SHPK: variants seen among roughly 807,000 people sequenced by gnomAD.
The protein encoded by SHPK is carbohydrate kinase-like protein.
In SHPK, 51 loss-of-function variants were observed where a neutral mutation model predicts 46.3. The ratio of observed to expected loss-of-function variants is 1.10; its 90% CI spans 0.88 to 1.39. The LOEUF is 1.39. Among genes scored for constraint, SHPK ranks in the 40% most tolerant of loss-of-function variants. The pLI, the probability that SHPK is intolerant of heterozygous loss-of-function variation, is 0.00. For missense variants in SHPK, 668 were observed against 641.3 expected (o/e 1.04, Z -0.45); for synonymous variants, 290 against 273.9 (o/e 1.06, Z -0.58).
At chr17:3,613,651 G>T (rs2075354794) in intron 6 of SHPK, among the ~76,000 whole-genome samples, 1 of 152,184 alleles carries the variant, frequency 6.6e-6, no homozygotes, top group African/African-American at 2.4e-5. Flanking sequence ...TTACAGGCAT[G>T]AGCCACCGCG....
intron 1 of SHPK, 36 bp from the exon 2 acceptor site, chr17:3,630,382 C>G (rs1161775192): frequency 6.3e-7 from 1 of 1,577,318 alleles, no homozygotes; most frequent in African/African-American, 1.3e-5. Context: ...CAGGGGCAGA[C>G]ACACAGGCAG....
rs187430129 is a variant in SHPK at position 3,631,812 on chromosome 17, G to A, written c.169-1466C>T. ...GCTGGGATTACAGGTGTGAGCCACCGCACCCAGCCTTGATTATCACACATC... is the reference window on the plus strand; with the variant it reads ...GCTGGGATTACAGGTGTGAGCCACCACACCCAGCCTTGATTATCACACATC... On this transcript the variant is annotated intron_variant, in intron 1 of 6. Coordinates refer to ENST00000225519, the MANE Select transcript of SHPK (RefSeq NM_013276.4). Among the ~76,000 whole-genome samples, 96 of 151,804 alleles carry A rather than the reference G, an allele frequency of 6.3e-4. 1 individual carries two copies. Among genetic ancestry groups the A allele is most frequent in the South Asian group, 2.5e-3 (12 of 4,794 alleles).
intron 4 of SHPK, chr17:3,622,774 G>A (rs1279323651): frequency 6.2e-5 from 10 of 162,344 alleles, no homozygotes; most frequent in South Asian, 2.0e-4. Flanking sequence ...GTGCAATCTC[G>A]GCTCACCGCA....
At position 3,614,277 on chromosome 17, in the gene SHPK, C is replaced by G. The variant is rs539907039; in HGVS notation, c.1024+1060G>C. Among the ~76,000 whole-genome samples the G allele has an allele frequency of 9.5e-4, 144 of 152,314 alleles. 1 individual carries two copies. Among genetic ancestry groups the G allele is most frequent in the Middle Eastern group, 3.4e-3 (1 of 294 alleles). ...CAGTGGCTCACGCCTGTAATCCCAG[C>G]ACTTTTGGAGGCCGAGGCAGGTGGA... On this transcript the variant is annotated intron_variant, in intron 6 of 6. Transcript: ENST00000225519.
rs766045159 is a variant in SHPK, at chr17:3,610,700, C to T, written c.1297G>A (p.Ala433Thr). The T allele has an allele frequency of 1.2e-6, 2 of 1,614,030 alleles. No individual in the cohort carries two copies. Among genetic ancestry groups the T allele is most frequent in the East Asian group, 2.2e-5 (1 of 44,896 alleles). ...GVERVMGSGS[A>T]LSRNDVLKQE... ...TTCAGCACGTCATTCCTGGACAGCGCACTCCCACTGCCCATCACCCTCTCC... is the reference window on the plus strand; with the variant it reads ...TTCAGCACGTCATTCCTGGACAGCGTACTCCCACTGCCCATCACCCTCTCC... Residue 433 changes from alanine (A) to threonine (T), a missense_variant, in exon 7 of 7, where the codon GCG (alanine) becomes ACG (threonine). Coordinates refer to ENST00000225519, the MANE Select transcript of SHPK (RefSeq NM_013276.4).
At chr17:3,630,137 C>T (rs1354525272) in intron 2 of SHPK, 68 bp downstream of exon 2, 36 of 1,596,964 alleles carry the variant, frequency 2.3e-5, no homozygotes, top group African/African-American at 1.1e-4. Context: ...CAGAAAGCCC[C>T]GCACAGCACT....
chr17:3,628,891 C>T (rs1388797637), intron 2 of SHPK, among the ~76,000 whole-genome samples: 1 of 151,700 alleles, frequency 6.6e-6, no homozygotes, highest in African/African-American at 2.4e-5. Flanking sequence ...TCAAGCAATA[C>T]TCCTCCTGCC....
At position 3,624,205 on chromosome 17, in the gene SHPK, T is replaced by C. The variant is rs909699494; in HGVS notation, c.337A>G (p.Thr113Ala). The change falls in exon 3 of 7, where the codon ACC (threonine) becomes GCC (alanine). Residue 113 changes from threonine (T) to alanine (A), a missense_variant. Coordinates refer to ENST00000225519, the MANE Select transcript of SHPK (RefSeq NM_013276.4). ...QGCEWTEGGI[T>A]PVFEPRAVSH... ...ACAGCTCGGGGCTCGAACACCGGGG[T>C]AATCCCTCCCTCTGTCCATTCACAG... is the stretch of plus-strand genomic sequence containing the variant. 6.2e-7 allele frequency: 1 copy of C among 1,613,332 alleles called. No homozygotes were observed. The highest frequency in any genetic ancestry group is 1.1e-5 in the South Asian group (1 of 90,990).
At chr17:3,612,413 G>A (rs571006319) in intron 6 of SHPK, among the ~76,000 whole-genome samples, 1 of 145,968 alleles carries the variant, frequency 6.9e-6, no homozygotes, top group East Asian at 2.0e-4. Context: ...GTGACAGTGC[G>A]AGACTCAGTC....
At chr17:3,630,888 C>T (rs1321572681) in intron 1 of SHPK, among the ~76,000 whole-genome samples, 1 of 152,058 alleles carries the variant, frequency 6.6e-6, no homozygotes, top group Non-Finnish European at 1.5e-5. Context: ...GAGGAATCCA[C>T]AGAAAGTTCA....
rs1391320522 is a variant in SHPK at position 3,628,505 on chromosome 17, T to A, written c.310+1700A>T. Among the ~76,000 whole-genome samples the A allele has an allele frequency of 2.6e-5, 4 of 152,064 alleles. No homozygotes were observed. In the South Asian group the frequency reaches 8.3e-4, roughly 32 times the overall value. On this transcript the variant is annotated intron_variant, in intron 2 of 6. Transcript: ENST00000225519. Reference sequence around the variant, plus strand: ...ACCCAGCTAATTTTTGTATTTTTAGTAGAGATGGGGTTTCACCATGTTGGC... The same window carrying A: ...ACCCAGCTAATTTTTGTATTTTTAGAAGAGATGGGGTTTCACCATGTTGGC...
chr17:3,619,004 A>G (rs1330712532), intron 5 of SHPK, among the ~76,000 whole-genome samples: 2 of 148,160 alleles, frequency 1.3e-5, no homozygotes, highest in Non-Finnish European at 3.0e-5. Context: ...AAGAGGCCGT[A>G]CCTTTTTACA....
At chr17:3,611,702 G>C (rs2075341001) in intron 6 of SHPK, among the ~76,000 whole-genome samples, 1 of 152,022 alleles carries the variant, frequency 6.6e-6, no homozygotes, top group African/African-American at 2.4e-5. Context: ...GAAATCCAAG[G>C]AAGAAGGATG....
At position 3,610,915 on chromosome 17, in the gene SHPK, T is replaced by G; in HGVS notation, c.1082A>C (p.Gln361Pro). ...YSRMIQAAVQ[Q>P]RDTHLTITPT... is the part of the protein sequence containing the mutation. ...GGTGATGGTCAGGTGGGTATCTCTC[T>G]GCTGCACAGCTGCCTGAATCATGCG... The change falls in exon 7 of 7, where the codon CAG becomes CCG. Residue 361 changes from glutamine (Q) to proline (P), a missense_variant. Transcript: ENST00000225519. 6.2e-7 allele frequency: 1 copy of G among 1,613,900 alleles called. No homozygotes were observed. The highest frequency in any genetic ancestry group is 8.5e-7 in the Non-Finnish European group (1 of 1,179,904).
intron 1 of SHPK, among the ~76,000 whole-genome samples, chr17:3,635,511 A>G (rs2075514025): frequency 6.6e-6 from 1 of 152,296 alleles, no homozygotes; most frequent in East Asian, 1.9e-4. Context: ...CTGGGATTAC[A>G]GGCGTGAGCC....
intron 2 of SHPK, among the ~76,000 whole-genome samples, chr17:3,626,675 T>C (rs977062274): frequency 6.7e-6 from 1 of 148,548 alleles, no homozygotes; most frequent in Non-Finnish European, 1.5e-5. Flanking sequence ...TGAGCAGAGA[T>C]TGCGCCACTG....
rs376637791 is a variant in SHPK at position 3,610,683 on chromosome 17, G to A, written c.1314C>T (p.Asp438=). The A allele has an allele frequency of 6.2e-6, 10 of 1,613,944 alleles. No homozygotes were observed. The highest frequency in any genetic ancestry group is 3.3e-4 in the Middle Eastern group (2 of 6,084). Residue 438 remains aspartate (D), a synonymous_variant, in exon 7 of 7, where the codon GAC becomes GAT. Transcript: ENST00000225519. The part of the protein sequence containing the change: ...MGSGSALSRN[D]VLKQEVQRAF... ...CCCTCTGCACCTCCTGCTTCAGCAC[G>A]TCATTCCTGGACAGCGCACTCCCAC...
chr17:3,635,222 G>GAAGGAAGGAAGGAAGA (rs2075506369), intron 1 of SHPK, among the ~76,000 whole-genome samples: 2 of 130,360 alleles, frequency 1.5e-5, no homozygotes, highest in Non-Finnish European at 3.4e-5. Flanking sequence ...AGGAAGGAAG[G>GAAGGAAGGAAGGAAGA]AAGGAAGGAA....
At chr17:3,624,757 G>A (rs866512037) in intron 2 of SHPK, among the ~76,000 whole-genome samples, 10 of 152,142 alleles carry the variant, frequency 6.6e-5, no homozygotes, top group African/African-American at 1.4e-4. Flanking sequence ...AGGTTCAAGC[G>A]ATTCTCCTGC....
Sources: gnomAD v4.1 joint callset for allele counts (sites outside exome capture counted in the v4.1 genomes callset) on GRCh38, gnomAD v4.1.1 for gene constraint, MANE v1.5 for transcripts, NCBI Gene and HGNC (gene_info 2026-07-23, HGNC 2026-07-21) for gene names.